TBK1: variants seen among roughly 807,000 people sequenced by gnomAD.
The protein encoded by TBK1 is serine/threonine-protein kinase TBK1.
A neutral mutation model predicts 99.9 loss-of-function variants in TBK1; 37 were observed. That is an observed-to-expected ratio of 0.37 (90% CI 0.28 to 0.49). TBK1 has a LOEUF of 0.49. Among genes scored for constraint, TBK1 ranks in the 20% least tolerant of loss-of-function variants. The probability of loss-of-function intolerance (pLI) is 0.98; values close to 1 mark genes in which losing one functional copy is unlikely to be tolerated. For synonymous variants in TBK1, 258 were observed against 279.8 expected, an observed-to-expected ratio of 0.92 and a Z score of 0.78; for missense variants, 644 against 872.5, an observed-to-expected ratio of 0.74 and a Z score of 3.30.
chr12:64,499,839 A>G (rs1171412080), intron 20 of TBK1, among the ~76,000 whole-genome samples: 1 of 151,738 alleles, frequency 6.6e-6, no homozygotes, highest in Non-Finnish European at 1.5e-5. Flanking sequence ...CTGGGACTAC[A>G]GGCACACGCC....
rs572889299 is a variant in TBK1 at position 64,488,725 on chromosome 12, G to T, written c.1442+137G>T. ...TTAAAGATCAGCGGCCTGGCACGGT[G>T]GCTCATGCCTGTAATCCCAGCACTT... On this transcript the variant is annotated intron_variant, in intron 12 of 20. Transcript: ENST00000331710. 6 of 658,920 alleles carry T rather than the reference G, an allele frequency of 9.1e-6. No homozygotes were observed. The South Asian group carries it at 1.2e-4, about 13-fold the overall frequency. 40.8% of individuals were successfully genotyped at this position (658,920 alleles called of 1,614,324 possible). A position where few individuals can be genotyped will look rare whatever the true frequency, so the allele number is the denominator to read the frequency against.
chr12:64,459,480 G>A (rs1049103838), intron 2 of TBK1, among the ~76,000 whole-genome samples: 1 of 152,236 alleles, frequency 6.6e-6, no homozygotes, highest in Non-Finnish European at 1.5e-5. Context: ...AAGAGTGAGA[G>A]TGGGATGCTG....
Position 64,452,147 on chromosome 12 carries a change from G to T in TBK1, c.-72G>T, listed in dbSNP as rs1348958841. 6.6e-6 allele frequency: 1 copy of T among 152,176 alleles called. No homozygotes were observed. The highest frequency in any genetic ancestry group is 1.5e-5 in the Non-Finnish European group (1 of 68,070). 9.4% of individuals were successfully genotyped at this position (152,176 alleles called of 1,614,324 possible). On this transcript the variant is annotated 5_prime_UTR_variant, in exon 1 of 21. Transcript: ENST00000331710. Reference sequence around the variant, plus strand: ...AAGTGTCCTGAGTCTCGAGGAGGCCGCGGGAGCCCGCCGGCGGTGGCGCGG... The same window carrying T: ...AAGTGTCCTGAGTCTCGAGGAGGCCTCGGGAGCCCGCCGGCGGTGGCGCGG...
In TBK1 at chr12:64,495,592, C is replaced by T. The variant is rs753372288; in HGVS notation, c.1631C>T (p.Pro544Leu). 1.3e-5 allele frequency: 21 copies of T among 1,613,728 alleles called. No individual in the cohort carries two copies. In the East Asian group the frequency reaches 1.6e-4, roughly 12 times the overall value. Residue 544 changes from proline (P) to leucine (L), a missense_variant, in exon 14 of 21, where the codon CCG becomes CTG. Pro to Leu is a moderately conservative substitution (Grantham distance 98). Around this residue, in one of 3 missense-constraint regions of TBK1, gnomAD observed 465 missense variants for 588.0 expected, o/e 0.79. Coordinates refer to ENST00000331710, the MANE Select transcript of TBK1 (RefSeq NM_013254.4). ...DAWAHQEGTH[P>L]KDRNVEKLQV... is the part of the protein sequence containing the mutation. ...TGGGCACATCAAGAAGGCACTCATC[C>T]GAAAGACAGAAAGTAGGTTATAGCT...
chr12:64,485,524 A>T lies in TBK1; in HGVS notation c.1248+11A>T, dbSNP rs1217304738. On this transcript the variant is annotated intron_variant, in intron 10 of 20. Transcript: ENST00000331710. ...GCTAGCATGGCTAAGGTTAGTATTTAATTTAATTACTATGTAAACATCTGA... is the reference window on the plus strand; with the variant it reads ...GCTAGCATGGCTAAGGTTAGTATTTTATTTAATTACTATGTAAACATCTGA... The T allele has an allele frequency of 3.5e-6, 5 of 1,440,774 alleles. No individual in the cohort carries two copies. The South Asian group carries it at 3.8e-5, about 11-fold the overall frequency. The allele number at this position is 1,440,774 out of a possible 1,614,324, so 89.2% of individuals were successfully genotyped here.
At chr12:64,487,092 C>CT (rs973863227) in intron 11 of TBK1, among the ~76,000 whole-genome samples, 2 of 152,102 alleles carry the variant, frequency 1.3e-5, no homozygotes, top group African/African-American at 4.8e-5. Flanking sequence ...GAAAGTGACT[C>CT]TAAGAAATGT....
At position 64,497,651 on chromosome 12, in the gene TBK1, C is replaced by G. The variant is rs187122554; in HGVS notation, c.1963C>G (p.Gln655Glu). Residue 655 changes from glutamine (Q) to glutamate (E), a missense_variant, in exon 19 of 21, where the codon CAA (glutamine) becomes GAA (glutamate). Physicochemically the swap from Gln to Glu is conservative, Grantham distance 29. This residue lies in a region of TBK1 where 465 missense variants were observed against 588.0 expected (regional missense o/e 0.79). Coordinates refer to ENST00000331710, the MANE Select transcript of TBK1 (RefSeq NM_013254.4). Reference protein sequence around the residue: ...SKYQEYTNELQETLPQKMFTA... With the variant: ...SKYQEYTNELEETLPQKMFTA... ...TTTTTTTTTTTTGATGTTTCAGTTA[C>G]AAGAAACTCTGCCTCAGAAAATGTT... 2 of 1,240,834 alleles carry G rather than the reference C, an allele frequency of 1.6e-6. No individual in the cohort carries two copies. The highest frequency in any genetic ancestry group is 5.0e-5 in the Admixed American group (2 of 39,918). 76.9% of individuals were successfully genotyped at this position (1,240,834 alleles called of 1,614,324 possible).
intron 1 of TBK1, among the ~76,000 whole-genome samples, chr12:64,455,450 A>G (rs867911944): frequency 6.6e-6 from 1 of 152,222 alleles, no homozygotes; most frequent in African/African-American, 2.4e-5. Context: ...TTATACCATT[A>G]TGTCAAATTT....
chr12:64,457,859 C>A (rs868729362), intron 2 of TBK1, among the ~76,000 whole-genome samples: 3 of 152,326 alleles, frequency 2.0e-5, no homozygotes, highest in Middle Eastern at 3.4e-3. Flanking sequence ...TACCCCAAGA[C>A]AACCTAAAGT....
At chr12:64,474,550 A>C (rs117891515) in intron 6 of TBK1, among the ~76,000 whole-genome samples, 160 bp downstream of exon 6, 52 of 152,320 alleles carry the variant, frequency 3.4e-4, no homozygotes, top group Non-Finnish European at 7.1e-4. Context: ...GCCTTATAAA[A>C]GTTTGCATAA....
At chr12:64,459,276 A>T (rs538481935) in intron 2 of TBK1, among the ~76,000 whole-genome samples, 1 of 152,226 alleles carries the variant, frequency 6.6e-6, no homozygotes, top group Non-Finnish European at 1.5e-5. Context: ...TGGACTGGCC[A>T]CGAGGGAGAG....
Position 64,486,018 on chromosome 12 carries a change from G to GT in TBK1, c.1340+2dup. On this transcript the variant is annotated splice_donor_variant, in intron 11 of 20. Coordinates refer to ENST00000331710, the MANE Select transcript of TBK1 (RefSeq NM_013254.4). LOFTEE classifies it high-confidence loss of function. ...TGCGAAAGGGGATACGATGGCTGAT[G>GT]TAAGTAATAGATTGAAATTTTGAAA... The GT allele has an allele frequency of 6.4e-7, 1 of 1,564,864 alleles. No individual in the cohort carries two copies. The highest frequency in any genetic ancestry group is 8.6e-7 in the Non-Finnish European group (1 of 1,158,098).
rs150609728 is a variant in TBK1 at position 64,485,492 on chromosome 12, C to T, written c.1227C>T (p.Asp409=). Residue 409 remains aspartate, a synonymous_variant, in exon 10 of 21, where the codon GAC becomes GAT. Coordinates refer to ENST00000331710, the MANE Select transcript of TBK1 (RefSeq NM_013254.4). ...LPKVHPRYDL[D]GDASMAKAIT... ...AAGTACATCCACGTTATGATTTAGA[C>T]GGGGATGCTAGCATGGCTAAGGTTA... The T allele has an allele frequency of 1.7e-4, 270 of 1,556,666 alleles. 1 individual carries two copies. The African/African-American group carries it at 2.2e-3, about 13-fold the overall frequency.
intron 12 of TBK1, among the ~76,000 whole-genome samples, chr12:64,489,725 C>T (rs539992606): frequency 4.0e-5 from 6 of 150,796 alleles, no homozygotes; most frequent in Admixed American, 2.0e-4. Flanking sequence ...CATGCCACCA[C>T]GCCCGGCTTA....
intron 5 of TBK1, 105 bp downstream of exon 5, chr12:64,467,187 CA>C (rs979137224): frequency 4.4e-6 from 4 of 909,542 alleles, no homozygotes; most frequent in African/African-American, 3.5e-5. Flanking sequence ...ATTTTTATGA[CA>C]AAAATTAAAT....
chr12:64,461,892 C>T (rs567896215), intron 3 of TBK1, among the ~76,000 whole-genome samples: 21 of 152,266 alleles, frequency 1.4e-4, no homozygotes, highest in Non-Finnish European at 2.2e-4. Flanking sequence ...AGACACAAAG[C>T]GTGGAATGTG....
intron 7 of TBK1, 116 bp downstream of exon 7, chr12:64,480,238 A>G (rs891477959): frequency 4.7e-6 from 3 of 641,940 alleles, no homozygotes; most frequent in African/African-American, 1.9e-5. Flanking sequence ...TTAATTAGAT[A>G]TTGTCAAAGC....
chr12:64,467,194 T>A, intron 5 of TBK1, 112 bp downstream of exon 5: 1 of 814,212 alleles, frequency 1.2e-6, no homozygotes, highest in Non-Finnish European at 1.8e-6. Context: ...TGACAAAAAT[T>A]AAATTTTCTA....
intron 5 of TBK1, among the ~76,000 whole-genome samples, chr12:64,473,824 C>G (rs1592362297): frequency 1.3e-5 from 2 of 152,236 alleles, no homozygotes; most frequent in East Asian, 1.9e-4. Flanking sequence ...GTAGTCCCAG[C>G]TACTCAGGAG....
Sources: gnomAD v4.1 joint callset for allele counts (sites outside exome capture counted in the v4.1 genomes callset) on GRCh38, gnomAD v4.1.1 for gene constraint, gnomAD v4.1.1 regional missense constraint, MANE v1.5 for transcripts, NCBI Gene and HGNC (gene_info 2026-07-23, HGNC 2026-07-21) for gene names.